The following GPHN variants were observed in gnomAD, a reference collection of about 807,000 sequenced individuals.
GPHN encodes the protein gephyrin.
GPHN carries 17 observed loss-of-function variants against 95.5 expected under a neutral mutation model. The observed-to-expected ratio is 0.18, with a 90% CI of 0.12 to 0.27. GPHN has a LOEUF of 0.27. GPHN is among the 10% of genes least tolerant of loss of function. The pLI, the probability that GPHN is intolerant of heterozygous loss-of-function variation, is 1.00. For missense variants in GPHN, 660 were observed against 978.1 expected (o/e 0.67, Z 4.34); for synonymous variants, 320 against 322.5 (o/e 0.99, Z 0.08).
At chr14:66,630,996 C>A (rs191173841) in intron 1 of GPHN, among the ~76,000 whole-genome samples, 1 of 151,778 alleles carries the variant, frequency 6.6e-6, no homozygotes, top group Admixed American at 6.6e-5. Flanking sequence ...TTGTCCCATG[C>A]CCATTTTGCC....
At chr14:66,932,966 G>A (rs377458874) in intron 8 of GPHN, among the ~76,000 whole-genome samples, 4 of 152,260 alleles carry the variant, frequency 2.6e-5, no homozygotes, top group African/African-American at 7.2e-5. Flanking sequence ...GGAACTAGTT[G>A]AGAATGATTG....
intron 1 of GPHN, among the ~76,000 whole-genome samples, chr14:66,675,945 C>G (rs2066561388): frequency 6.6e-6 from 1 of 151,758 alleles, no homozygotes; most frequent in African/African-American, 2.4e-5. Context: ...ATCACTGATT[C>G]TTGCATGTTG....
At chr14:66,676,264 A>G (rs1482077925) in intron 1 of GPHN, among the ~76,000 whole-genome samples, 3 of 152,132 alleles carry the variant, frequency 2.0e-5, no homozygotes, top group Admixed American at 6.5e-5. Flanking sequence ...AAGAGGGACA[A>G]CTTGCCTTTC....
chr14:66,682,921 T>C (rs2067029682), intron 2 of GPHN, among the ~76,000 whole-genome samples: 1 of 152,108 alleles, frequency 6.6e-6, no homozygotes, highest in South Asian at 2.1e-4. Flanking sequence ...ATTGCCATGT[T>C]TTGGAAAAAC....
chr14:67,573,858 G>T, the GPHN span: 2 of 1,613,696 alleles, frequency 1.2e-6, no homozygotes, highest in Non-Finnish European at 1.7e-6. This position sits in a 1 kb window ranked among gnomAD's most constrained non-coding sequence, Gnocchi z 4.8. Context: ...CTGCCAAATT[G>T]TTCGAGGGGA....
chr14:66,736,041 A>C (rs2072233565), intron 2 of GPHN, among the ~76,000 whole-genome samples: 1 of 152,226 alleles, frequency 6.6e-6, no homozygotes, highest in Non-Finnish European at 1.5e-5. Context: ...TTTTTATGGC[A>C]ATGACTAATG....
intron 5 of GPHN, among the ~76,000 whole-genome samples, chr14:66,897,439 A>G (rs897983286): frequency 3.9e-5 from 6 of 151,984 alleles, no homozygotes; most frequent in African/African-American, 1.2e-4. Flanking sequence ...TGGCTGTACT[A>G]TTGCTTTTCT....
chr14:66,520,320 A>G (rs2058424898), intron 1 of GPHN, among the ~76,000 whole-genome samples: 2 of 152,156 alleles, frequency 1.3e-5, no homozygotes, highest in African/African-American at 4.8e-5. Context: ...TAATATTCCC[A>G]CCTTCATTGG....
intron 2 of GPHN, among the ~76,000 whole-genome samples, chr14:66,693,252 A>G (rs2067897055): frequency 6.6e-6 from 1 of 152,176 alleles, no homozygotes; most frequent in Non-Finnish European, 1.5e-5. Flanking sequence ...GAGGAAAATT[A>G]TGCTTGGAAC....
chr14:67,233,111 T>TTTTTATTTTATTTTATTTTA, the GPHN span, among the ~76,000 whole-genome samples: 4,585 of 144,446 alleles, frequency 0.032, 247 homozygotes, highest in African/African-American at 0.1. Flanking sequence ...CACCAACACA[T>TTTTTATTTTATTTTATTTTA]TTTTATTTTA....
the GPHN span, among the ~76,000 whole-genome samples, chr14:67,498,144 C>T: frequency 3.3e-5 from 5 of 152,268 alleles, no homozygotes; most frequent in African/African-American, 9.6e-5. Flanking sequence ...ACCACCTGAA[C>T]GCCTTTACAG....
chr14:67,242,264 T>C, the GPHN span, among the ~76,000 whole-genome samples: 1 of 152,330 alleles, frequency 6.6e-6, no homozygotes, highest in African/African-American at 2.4e-5. Flanking sequence ...AAGGTTTTTC[T>C]TGGCAGTTTA....
intron 8 of GPHN, among the ~76,000 whole-genome samples, chr14:66,949,848 T>G (rs181108806): frequency 1.3e-5 from 2 of 152,292 alleles, no homozygotes; most frequent in African/African-American, 4.8e-5. Context: ...TTTACTTTAT[T>G]GGCATTCATA....
intron 11 of GPHN, among the ~76,000 whole-genome samples, chr14:67,059,821 G>T (rs1052221237): frequency 6.6e-6 from 1 of 152,004 alleles, no homozygotes; most frequent in Non-Finnish European, 1.5e-5. Flanking sequence ...CATTCTTTTA[G>T]ATATGCATAT....
chr14:67,348,914 C>T, the GPHN span: 1 of 897,242 alleles, frequency 1.1e-6, no homozygotes, highest in Non-Finnish European at 1.7e-6. Flanking sequence ...CATGTAAAGC[C>T]AATCAACTTG....
intron 8 of GPHN, among the ~76,000 whole-genome samples, chr14:66,925,486 T>C (rs542554947): frequency 6.6e-6 from 1 of 152,108 alleles, no homozygotes; most frequent in East Asian, 1.9e-4. Context: ...GTGAGTTCAA[T>C]TGTTTTAATT....
chr14:66,532,765 G>C (rs964062558), intron 1 of GPHN, among the ~76,000 whole-genome samples: 5 of 152,148 alleles, frequency 3.3e-5, no homozygotes, highest in African/African-American at 1.2e-4. Context: ...TCTCATCTTT[G>C]CTCTACCCTG....
At chr14:66,683,341 T>TGTTC (rs368138865) in intron 2 of GPHN, among the ~76,000 whole-genome samples, 5 of 21,934 alleles carry the variant, frequency 2.3e-4, no homozygotes, top group East Asian at 3.4e-3. Context: ...TATATATATA[T>TGTTC]ATATATATAT....
chr14:67,139,742 G>T (rs1167457612), intron 17 of GPHN, among the ~76,000 whole-genome samples: 3 of 152,114 alleles, frequency 2.0e-5, no homozygotes, highest in Non-Finnish European at 4.4e-5. Context: ...CTCTAGTAAG[G>T]CAGGATGTCT....
Sources: allele counts gnomAD v4.1 joint callset (sites outside exome capture counted in the v4.1 genomes callset), GRCh38; gene constraint gnomAD v4.1.1; non-coding constraint Gnocchi (gnomAD v3.1); transcripts MANE v1.5; gene names NCBI Gene and HGNC (gene_info 2026-07-23, HGNC 2026-07-21).